Variants in SDK1 observed in about 807,000 individuals in gnomAD.
SDK1 encodes the protein protein sidekick-1.
SDK1 carries 157 observed loss-of-function variants against 245.5 expected under a neutral mutation model. The observed-to-expected ratio is 0.64, with a 90% confidence interval of 0.56 to 0.73. The LOEUF is 0.73. Ranked by LOEUF, SDK1 falls within the 30% of genes least tolerant of loss-of-function variation. SDK1 has a pLI of 0.00. For synonymous variants in SDK1, 1,647 were observed against 1,278.5 expected (o/e 1.29, Z -6.15); for missense variants, 3,583 against 3,002.3 (o/e 1.19, Z -4.52).
chr7:3,953,337 C>G (rs571724073), intron 7 of SDK1, among the ~76,000 whole-genome samples: 3 of 152,328 alleles, frequency 2.0e-5, no homozygotes, highest in Middle Eastern at 3.4e-3. Flanking sequence ...CTGTCGGTCC[C>G]TCTGAAAGAA....
At chr7:4,128,986 T>C (rs1784589633) in intron 26 of SDK1, among the ~76,000 whole-genome samples, 1 of 124,840 alleles carries the variant, frequency 8.0e-6, no homozygotes, top group Admixed American at 8.6e-5. Context: ...GAGAGCAGCT[T>C]GGGGTGGGGT....
intron 1 of SDK1, among the ~76,000 whole-genome samples, chr7:3,526,548 ATAGT>A (rs1206285387): frequency 6.6e-6 from 1 of 152,206 alleles, no homozygotes; most frequent in African/African-American, 2.4e-5. Flanking sequence ...TTCATTGCAG[ATAGT>A]TTGGTGGAAT....
At chr7:3,854,623 T>G (rs1165767216) in intron 5 of SDK1, among the ~76,000 whole-genome samples, 2 of 152,230 alleles carry the variant, frequency 1.3e-5, no homozygotes, top group Non-Finnish European at 2.9e-5. Flanking sequence ...GTCACATAAC[T>G]ACACTTGAAT....
chr7:3,379,030 C>T (rs1268054162), intron 1 of SDK1, among the ~76,000 whole-genome samples: 1 of 152,170 alleles, frequency 6.6e-6, no homozygotes, highest in Non-Finnish European at 1.5e-5. Flanking sequence ...CTATGGCCTG[C>T]TTCTCCTGGC....
intron 4 of SDK1, among the ~76,000 whole-genome samples, chr7:3,679,216 T>C (rs1391646452): frequency 6.6e-6 from 1 of 152,198 alleles, no homozygotes; most frequent in Non-Finnish European, 1.5e-5. Context: ...CAAAGGACTT[T>C]TATCTGAAAT....
chr7:3,440,319 G>T (rs959859258), intron 1 of SDK1, among the ~76,000 whole-genome samples: 62 of 152,304 alleles, frequency 4.1e-4, no homozygotes, highest in African/African-American at 1.3e-3. Flanking sequence ...AGGTTGCTCA[G>T]TGCAAGTGAT....
chr7:3,567,524 C>T (rs1465544053), intron 1 of SDK1, among the ~76,000 whole-genome samples: 8 of 152,172 alleles, frequency 5.3e-5, no homozygotes, highest in Non-Finnish European at 7.3e-5. Flanking sequence ...AGAAAACTAC[C>T]ACAGTAAATG....
At chr7:3,970,719 C>G (rs561180010) in intron 11 of SDK1, among the ~76,000 whole-genome samples, 4 of 152,246 alleles carry the variant, frequency 2.6e-5, no homozygotes, top group Admixed American at 2.6e-4. Context: ...ACTCTGCCCA[C>G]TTTAACCTGT....
At chr7:3,971,652 T>G in intron 12 of SDK1, 84 bp downstream of exon 12, 1 of 1,023,446 alleles carries the variant, frequency 9.8e-7, no homozygotes, top group South Asian at 1.4e-5. Flanking sequence ...GAGGAAGAAT[T>G]GGGGGAACTT....
At chr7:3,771,481 T>C (rs966045379) in intron 4 of SDK1, among the ~76,000 whole-genome samples, 1 of 152,190 alleles carries the variant, frequency 6.6e-6, no homozygotes, top group Non-Finnish European at 1.5e-5. Flanking sequence ...CTCATTGTTG[T>C]GCATATGTAT....
chr7:3,631,612 T>C (rs904896390), intron 2 of SDK1, among the ~76,000 whole-genome samples: 1 of 152,186 alleles, frequency 6.6e-6, no homozygotes, highest in Non-Finnish European at 1.5e-5. Context: ...CAAAGTTGAG[T>C]GTTTTTGTAT....
At chr7:3,507,284 A>G (rs1782424235) in intron 1 of SDK1, among the ~76,000 whole-genome samples, 1 of 152,176 alleles carries the variant, frequency 6.6e-6, no homozygotes, top group Non-Finnish European at 1.5e-5. Flanking sequence ...TAGTATTCAG[A>G]CAAAAACCAA....
intron 35 of SDK1, among the ~76,000 whole-genome samples, chr7:4,191,839 C>T (rs1214095605): frequency 1.3e-5 from 2 of 152,148 alleles, no homozygotes; most frequent in Non-Finnish European, 2.9e-5. Flanking sequence ...CAGGTGTGGC[C>T]GGGCAGACCA....
chr7:4,236,569 C>T lies in SDK1; in HGVS notation c.5993-1078C>T, dbSNP rs116295588. ...AGCAAATACACACAGTGCGTGTTTGCGGCGGGGGCTTCCATAGACGTGCAG... is the reference window on the plus strand; with the variant it reads ...AGCAAATACACACAGTGCGTGTTTGTGGCGGGGGCTTCCATAGACGTGCAG... On this transcript the variant is annotated intron_variant, in intron 41 of 44. Coordinates refer to ENST00000404826, the MANE Select transcript of SDK1 (RefSeq NM_152744.4). Among the ~76,000 whole-genome samples the T allele has an allele frequency of 4.6e-5, 7 of 152,110 alleles. No homozygotes were observed. In the East Asian group the frequency reaches 5.8e-4, roughly 13 times the overall value.
chr7:3,522,711 T>C (rs906242071), intron 1 of SDK1, among the ~76,000 whole-genome samples: 3 of 152,164 alleles, frequency 2.0e-5, no homozygotes, highest in Admixed American at 1.3e-4. Flanking sequence ...GGACGTGCTA[T>C]CCTAATCTGC....
Position 3,872,632 on chromosome 7 carries a change from C to G in SDK1, c.847+51049C>G, listed in dbSNP as rs73674325. On this transcript the variant is annotated intron_variant, in intron 5 of 44. Coordinates refer to ENST00000404826, the MANE Select transcript of SDK1 (RefSeq NM_152744.4). ...ATCAGCAGTGATACCATATTCCACT[C>G]GAATATTGTAGTTGTGCCTTCTCTT... is the stretch of plus-strand genomic sequence containing the variant. 5.7e-3 allele frequency among the ~76,000 whole-genome samples: 845 copies of G among 148,692 alleles called. 7 individuals are homozygous for G. Among genetic ancestry groups the G allele is most frequent in the African/African-American group, 0.019 (787 of 40,450 alleles).
chr7:3,496,767 ATTGG>A (rs1018946948), intron 1 of SDK1, among the ~76,000 whole-genome samples: 3 of 152,194 alleles, frequency 2.0e-5, no homozygotes, highest in African/African-American at 7.2e-5. Context: ...AAAACGTGCC[ATTGG>A]TTAATCAATT....
intron 16 of SDK1, 78 bp downstream of exon 16, chr7:4,012,313 A>G: frequency 3.6e-6 from 5 of 1,391,532 alleles, no homozygotes; most frequent in Non-Finnish European, 4.7e-6. Context: ...GCAAACTCTA[A>G]TGTCTGTAAG....
At position 3,470,916 on chromosome 7, in the gene SDK1, A is replaced by G. The variant is rs1032633933; in HGVS notation, c.299-148164A>G. ...GGAGAATTCAGAAGCTGTTTAATAT[A>G]CAAGGCATTGCCTATAAAATATTTC... On this transcript the variant is annotated intron_variant, in intron 1 of 44. Transcript: ENST00000404826. 3.9e-5 allele frequency among the ~76,000 whole-genome samples: 6 copies of G among 152,200 alleles called. No homozygotes were observed. In the East Asian group the frequency reaches 1.2e-3, roughly 29 times the overall value.
Sources: gnomAD v4.1 joint callset for allele counts (sites outside exome capture counted in the v4.1 genomes callset) on GRCh38, gnomAD v4.1.1 for gene constraint, MANE v1.5 for transcripts, NCBI Gene and HGNC (gene_info 2026-07-23, HGNC 2026-07-21) for gene names.